The following BCL2 variants were observed in gnomAD, a reference collection of about 807,000 sequenced individuals.
BCL2 encodes apoptosis regulator Bcl-2.
BCL2 carries 1 observed loss-of-function variant against 14.2 expected under a neutral mutation model. That is an observed-to-expected ratio of 0.07 (90% CI 0.02 to 0.33). The LOEUF is 0.33. Ranked by LOEUF, BCL2 falls within the 10% of genes least tolerant of loss-of-function variation. The pLI is 0.99. For missense variants in BCL2, 247 were observed against 305.9 expected, an observed-to-expected ratio of 0.81 and a Z score of 1.44; for synonymous variants, 151 against 137.2, an observed-to-expected ratio of 1.10 and a Z score of -0.70.
intron 2 of BCL2, among the ~76,000 whole-genome samples, chr18:63,235,188 A>C (rs1287987205): frequency 1.3e-5 from 2 of 152,252 alleles, no homozygotes; most frequent in African/African-American, 4.8e-5. Flanking sequence ...TGAAGAGAAT[A>C]CTGAGCATTA....
At chr18:63,166,682 G>A (rs967853048) in intron 2 of BCL2, among the ~76,000 whole-genome samples, 3 of 152,216 alleles carry the variant, frequency 2.0e-5, no homozygotes, top group African/African-American at 7.2e-5. Context: ...CTGGGCAGAT[G>A]CTATCACTGT....
chr18:63,259,838 C>T (rs2144222141), intron 2 of BCL2, among the ~76,000 whole-genome samples: 1 of 152,358 alleles, frequency 6.6e-6, no homozygotes, highest in East Asian at 1.9e-4. Context: ...AAAATGACTC[C>T]ATTTTTATTC....
intron 2 of BCL2, among the ~76,000 whole-genome samples, chr18:63,130,769 T>C (rs181845901): frequency 1.2e-4 from 19 of 152,342 alleles, no homozygotes; most frequent in African/African-American, 4.3e-4. Flanking sequence ...TATAAATTCT[T>C]GTCTATTTGT....
At chr18:63,257,749 A>G (rs983823763) in intron 2 of BCL2, among the ~76,000 whole-genome samples, 3 of 152,240 alleles carry the variant, frequency 2.0e-5, no homozygotes, top group Non-Finnish European at 2.9e-5. Flanking sequence ...CTCTAAGGTC[A>G]ACAGAATGAG....
rs141318498 is a variant in BCL2, at chr18:63,212,564, C to A, written c.586-83805G>T. ...AACTCAGGGAGCTTAGGTCAGGATTCCAAGCTTTCTCAAATAAAAGTTGCT... is the reference window on the plus strand; with the variant it reads ...AACTCAGGGAGCTTAGGTCAGGATTACAAGCTTTCTCAAATAAAAGTTGCT... On this transcript the variant is annotated intron_variant, in intron 2 of 2. Transcript: ENST00000333681. 2.0e-3 allele frequency among the ~76,000 whole-genome samples: 298 copies of A among 149,552 alleles called. 4 individuals are homozygous for A. The highest frequency in any genetic ancestry group is 3.7e-3 in the Non-Finnish European group (242 of 66,266).
chr18:63,249,709 CAAAAAA>C (rs11285614), intron 2 of BCL2, among the ~76,000 whole-genome samples: 7 of 52,898 alleles, frequency 1.3e-4, no homozygotes, highest in East Asian at 9.5e-4. Context: ...GACTCCGCCT[CAAAAAA>C]AAAAAAAAAA....
intron 2 of BCL2, among the ~76,000 whole-genome samples, chr18:63,258,333 C>T (rs955049635): frequency 6.6e-6 from 1 of 152,168 alleles, no homozygotes; most frequent in Admixed American, 6.5e-5. Context: ...ACAAATGGTA[C>T]TACCATATAT....
At chr18:63,165,956 C>G (rs896637642) in intron 2 of BCL2, among the ~76,000 whole-genome samples, 2 of 152,244 alleles carry the variant, frequency 1.3e-5, no homozygotes, top group African/African-American at 4.8e-5. Flanking sequence ...TTTGCTGGAT[C>G]GCTTTAAAGC....
At chr18:63,253,195 T>C (rs902532350) in intron 2 of BCL2, among the ~76,000 whole-genome samples, 1 of 152,160 alleles carries the variant, frequency 6.6e-6, no homozygotes, top group Non-Finnish European at 1.5e-5. Flanking sequence ...GAAAATGCTG[T>C]AATACGTGGC....
At chr18:63,294,398 G>A (rs1442848074) in intron 2 of BCL2, among the ~76,000 whole-genome samples, 1 of 152,158 alleles carries the variant, frequency 6.6e-6, no homozygotes, top group East Asian at 1.9e-4. Flanking sequence ...GCTGGGCAGG[G>A]TGGCTCACAC....
chr18:63,316,737 G>C (rs1451817151), intron 2 of BCL2: 2 of 152,094 alleles, frequency 1.3e-5, no homozygotes, highest in Non-Finnish European at 2.9e-5. Context: ...CCTAGTATGA[G>C]CACACTTTGT....
At chr18:63,144,420 A>C (rs1235286014) in intron 2 of BCL2, among the ~76,000 whole-genome samples, 1 of 152,104 alleles carries the variant, frequency 6.6e-6, no homozygotes, top group Non-Finnish European at 1.5e-5. Flanking sequence ...CACTCAGCTC[A>C]TTGCAGCAAA....
chr18:63,317,825 T>C (rs1913543596), intron 2 of BCL2: 2 of 1,375,452 alleles, frequency 1.5e-6, no homozygotes, highest in Non-Finnish European at 1.9e-6. Flanking sequence ...CACATCCTAC[T>C]GGATTACAAA....
At chr18:63,273,617 T>C (rs1367525725) in intron 2 of BCL2, among the ~76,000 whole-genome samples, 1 of 152,222 alleles carries the variant, frequency 6.6e-6, no homozygotes, top group Non-Finnish European at 1.5e-5. Context: ...CTTGAACTCT[T>C]TGGACCTCAT....
chr18:63,211,800 T>C (rs1430979050), intron 2 of BCL2, among the ~76,000 whole-genome samples: 2 of 152,236 alleles, frequency 1.3e-5, no homozygotes, highest in Non-Finnish European at 2.9e-5. Context: ...AGAGGAGCCA[T>C]GCCACGCAAA....
intron 2 of BCL2, chr18:63,302,501 C>T (rs1009762440): frequency 4.1e-6 from 4 of 985,232 alleles, no homozygotes; most frequent in Admixed American, 6.2e-5. Flanking sequence ...TACCACGAAG[C>T]TCTACTCTAA....
In BCL2 at chr18:63,318,010, C is replaced by T. The variant is rs376849362; in HGVS notation, c.585+72G>A. On this transcript the variant is annotated intron_variant, in intron 2 of 2. Coordinates refer to ENST00000333681, the MANE Select transcript of BCL2 (RefSeq NM_000633.3). This position sits in a 1 kb window ranked among gnomAD's most constrained non-coding sequence, Gnocchi z 7.4. Reference sequence around the variant, plus strand: ...CACAGCCTCCCATTGCCCCAGGAGCCCACCCGCACTCCAACCCCCGCATCT... The same window carrying T: ...CACAGCCTCCCATTGCCCCAGGAGCTCACCCGCACTCCAACCCCCGCATCT... The T allele has an allele frequency of 1.9e-4, 299 of 1,557,442 alleles. No individual in the cohort carries two copies. Among genetic ancestry groups the T allele is most frequent in the Non-Finnish European group, 2.4e-4 (279 of 1,147,508 alleles).
At chr18:63,180,835 C>T (rs1915466128) in intron 2 of BCL2, among the ~76,000 whole-genome samples, 1 of 152,208 alleles carries the variant, frequency 6.6e-6, no homozygotes, top group Admixed American at 6.5e-5. Flanking sequence ...AGACACATCC[C>T]TTTTCCTATT....
At position 63,318,418 on chromosome 18, in the gene BCL2, C is replaced by T. The variant is rs766872577; in HGVS notation, c.249G>A (p.Gly83=). The T allele has an allele frequency of 6.7e-6, 10 of 1,500,944 alleles. No individual in the cohort carries two copies. Among genetic ancestry groups the T allele is most frequent in the African/African-American group, 5.8e-5 (4 of 68,924 alleles). 93.0% of individuals were successfully genotyped at this position (1,500,944 alleles called of 1,614,324 possible). The change falls in exon 2 of 3, where the codon GGG becomes GGA. Residue 83 remains glycine (G), a synonymous_variant. Coordinates refer to ENST00000333681, the MANE Select transcript of BCL2 (RefSeq NM_000633.3). The surrounding 1 kb of genome is among the most constrained non-coding windows in gnomAD (Gnocchi z 7.4). The stretch of plus-strand genomic sequence containing the variant: ...CAGGTGGCACCGGGCTGAGCGCAGG[C>T]CCCGCGGCGGCGCCGGGGGCAGCCG... The part of the protein sequence containing the change: ...QTPAAPGAAA[G]PALSPVPPVV...
Sources: gnomAD v4.1 joint callset for allele counts (sites outside exome capture counted in the v4.1 genomes callset) on GRCh38, gnomAD v4.1.1 for gene constraint, Gnocchi (gnomAD v3.1) non-coding constraint, MANE v1.5 for transcripts, NCBI Gene and HGNC (gene_info 2026-07-23, HGNC 2026-07-21) for gene names.